Variants in SCLT1 observed in about 807,000 individuals in gnomAD.
SCLT1 encodes sodium channel and clathrin linker 1.
SCLT1 carries 78 observed loss-of-function variants against 112.8 expected under a neutral mutation model. That is an observed-to-expected ratio of 0.69 (90% CI 0.58 to 0.83). The LOEUF is 0.83. Ranked by LOEUF, SCLT1 falls within the 40% of genes least tolerant of loss-of-function variation. The probability of loss-of-function intolerance (pLI) is 0.00; values close to 1 mark genes in which losing one functional copy is unlikely to be tolerated. For synonymous variants in SCLT1, 257 were observed against 254.7 expected (o/e 1.01, Z -0.09); for missense variants, 747 against 770.4 (o/e 0.97, Z 0.36).
chr4:128,987,588 A>G (rs770792967), intron 9 of SCLT1, among the ~76,000 whole-genome samples: 1 of 152,200 alleles, frequency 6.6e-6, no homozygotes, highest in Non-Finnish European at 1.5e-5. Context: ...TCAAAAGCAG[A>G]ACTGATCAAT....
At chr4:129,081,952 TA>T (rs975214153) in intron 2 of SCLT1, among the ~76,000 whole-genome samples, 6 of 152,126 alleles carry the variant, frequency 3.9e-5, no homozygotes, top group African/African-American at 1.4e-4. Context: ...AAGATATTTT[TA>T]AAAAACCATA....
intron 6 of SCLT1, among the ~76,000 whole-genome samples, chr4:129,003,495 C>CTCATAAGAAAAA (rs1743711841): frequency 6.8e-6 from 1 of 147,160 alleles, no homozygotes; most frequent in South Asian, 2.2e-4. Context: ...GAAAAAAACT[C>CTCATAAGAAAAA]ACGTCAAAAT....
intron 5 of SCLT1, among the ~76,000 whole-genome samples, chr4:129,020,239 T>G (rs966008312): frequency 2.6e-5 from 4 of 152,240 alleles, no homozygotes; most frequent in Non-Finnish European, 5.9e-5. Flanking sequence ...CATTTAAGCC[T>G]TCTTTGATGT....
intron 5 of SCLT1, among the ~76,000 whole-genome samples, chr4:129,020,911 A>G (rs1745413271): frequency 6.6e-6 from 1 of 152,222 alleles, no homozygotes; most frequent in South Asian, 2.1e-4. Context: ...GCTCTCACAC[A>G]TTCTAGTGGA....
chr4:128,972,564 C>CA (rs1740784331), intron 9 of SCLT1, among the ~76,000 whole-genome samples: 1 of 152,162 alleles, frequency 6.6e-6, no homozygotes, highest in Non-Finnish European at 1.5e-5. Flanking sequence ...CTGCACGTCT[C>CA]AAAGACCTCA....
chr4:128,944,649 C>T (rs956656959), intron 16 of SCLT1: 6 of 152,118 alleles, frequency 3.9e-5, no homozygotes, highest in Admixed American at 1.3e-4. Flanking sequence ...CAAGAGAACT[C>T]GCACTCAAGA....
chr4:129,023,993 G>A (rs112488112), intron 5 of SCLT1, among the ~76,000 whole-genome samples: 2,151 of 152,164 alleles, frequency 0.014, 53 homozygotes, highest in African/African-American at 0.046. Flanking sequence ...GGGGAGGGGC[G>A]CCCGCCATTG....
At chr4:128,941,143 C>G (rs142338002) in intron 17 of SCLT1, among the ~76,000 whole-genome samples, 6 of 152,162 alleles carry the variant, frequency 3.9e-5, no homozygotes, top group African/African-American at 1.4e-4. Flanking sequence ...CAATTACCTC[C>G]CACTGGGTCC....
chr4:129,037,213 AT>A (rs945392037), intron 5 of SCLT1: 22 of 151,996 alleles, frequency 1.4e-4, no homozygotes, highest in African/African-American at 5.3e-4. Flanking sequence ...GGGAATATAC[AT>A]TTGAAACACC....
chr4:129,083,537 A>G (rs1261507693), intron 1 of SCLT1, among the ~76,000 whole-genome samples: 1 of 152,034 alleles, frequency 6.6e-6, no homozygotes, highest in African/African-American at 2.4e-5. Flanking sequence ...CATGCCTATA[A>G]TCTCACTGCT....
chr4:128,895,137 T>G (rs1276931070), intron 18 of SCLT1, among the ~76,000 whole-genome samples: 2 of 152,176 alleles, frequency 1.3e-5, no homozygotes, highest in African/African-American at 4.8e-5. Context: ...CTGCTTGGGT[T>G]TCTCAATATC....
chr4:128,914,749 G>A (rs1560834509), intron 18 of SCLT1, among the ~76,000 whole-genome samples: 1 of 152,116 alleles, frequency 6.6e-6, no homozygotes, highest in Non-Finnish European at 1.5e-5. Context: ...ACCACATTTA[G>A]GTTGTTTTCA....
At chr4:128,914,575 T>A (rs569443900) in intron 18 of SCLT1, among the ~76,000 whole-genome samples, 2 of 152,220 alleles carry the variant, frequency 1.3e-5, no homozygotes, top group East Asian at 1.9e-4. Flanking sequence ...ATGATGGTGA[T>A]CTGATCTAAT....
chr4:129,064,048 A>C (rs1216684547), intron 2 of SCLT1, among the ~76,000 whole-genome samples: 6 of 152,148 alleles, frequency 3.9e-5, no homozygotes, highest in Admixed American at 3.9e-4. Context: ...TCTAGCCTTT[A>C]AACTCCTAGA....
chr4:128,935,729 T>C (rs978315139), intron 18 of SCLT1, among the ~76,000 whole-genome samples: 14 of 152,134 alleles, frequency 9.2e-5, no homozygotes, highest in Non-Finnish European at 1.3e-4. Context: ...TCTCTGGATA[T>C]GCTTTCTCAG....
intron 2 of SCLT1, among the ~76,000 whole-genome samples, chr4:129,069,564 T>C (rs1213281463): frequency 2.6e-5 from 4 of 152,152 alleles, no homozygotes; most frequent in South Asian, 4.1e-4. Flanking sequence ...CTCTGCTTGG[T>C]TGCTGTATAG....
chr4:128,901,532 G>A (rs557445873), intron 18 of SCLT1, among the ~76,000 whole-genome samples: 42 of 148,354 alleles, frequency 2.8e-4, no homozygotes, highest in East Asian at 1.6e-3. Context: ...GGGGTGGTGG[G>A]GGGGGGGAGG....
Position 128,936,840 on chromosome 4 carries a change from C to A in SCLT1, c.1644G>T (p.Met548Ile). ...QKKAKVKISTMEHEFSIKERG... is the reference protein window; with the variant it reads ...QKKAKVKISTIEHEFSIKERG... The stretch of plus-strand genomic sequence containing the variant: ...GTTCCTTTATTGAAAATTCATGTTC[C>A]ATTGTACTGATCTAAAGAATAAAAT... Residue 548 changes from methionine to isoleucine, a missense_variant, in exon 18 of 21, where the codon ATG becomes ATT. Met to Ile is a conservative substitution (Grantham distance 10). This residue lies in a region of SCLT1 where 723 missense variants were observed against 721.3 expected (regional missense o/e 1.00). Transcript: ENST00000281142. The A allele has an allele frequency of 6.5e-7, 1 of 1,544,620 alleles. No individual in the cohort carries two copies. Among genetic ancestry groups the A allele is most frequent in the Non-Finnish European group, 8.9e-7 (1 of 1,126,906 alleles).
intron 1 of SCLT1, among the ~76,000 whole-genome samples, chr4:129,086,806 G>A: frequency 6.6e-6 from 1 of 152,252 alleles, no homozygotes. Flanking sequence ...AAAGGATGAG[G>A]AGGTCAAAGA....
Sources: allele counts gnomAD v4.1 joint callset (sites outside exome capture counted in the v4.1 genomes callset), GRCh38; gene constraint gnomAD v4.1.1; regional missense constraint gnomAD v4.1.1; transcripts MANE v1.5; gene names NCBI Gene and HGNC (gene_info 2026-07-23, HGNC 2026-07-21).